Variants in FSTL5 observed in about 807,000 individuals in gnomAD.
FSTL5 encodes the protein follistatin-related protein 5.
Under a neutral mutation model 89.1 loss-of-function variants are expected in FSTL5, and 62 were observed. The observed-to-expected ratio is 0.70, with a 90% CI of 0.57 to 0.86. FSTL5 has a LOEUF of 0.86. FSTL5 is among the 40% of genes least tolerant of loss of function. FSTL5 has a pLI of 0.00. For missense variants in FSTL5, 1,057 were observed against 1,001.6 expected (o/e 1.06, Z -0.75); for synonymous variants, 383 against 346.2 (o/e 1.11, Z -1.18).
chr4:161,709,842 T>C (rs1486164157), intron 6 of FSTL5, among the ~76,000 whole-genome samples: 4 of 152,128 alleles, frequency 2.6e-5, no homozygotes. Context: ...ATTCTATTGA[T>C]TTACTTTTTT....
At chr4:161,438,692 G>C (rs746141898) in intron 15 of FSTL5, among the ~76,000 whole-genome samples, 20 of 151,988 alleles carry the variant, frequency 1.3e-4, no homozygotes, top group Admixed American at 4.6e-4. Context: ...ACTGTACAAG[G>C]ATTCAAAATT....
At chr4:161,470,102 A>T (rs553052169) in intron 13 of FSTL5, among the ~76,000 whole-genome samples, 12 of 151,710 alleles carry the variant, frequency 7.9e-5, no homozygotes, top group Non-Finnish European at 1.8e-4. Context: ...TTTTAAAAAA[A>T]TTATTAAGTC....
At chr4:161,702,618 T>C (rs1257314519) in intron 6 of FSTL5, among the ~76,000 whole-genome samples, 1 of 152,164 alleles carries the variant, frequency 6.6e-6, no homozygotes, top group East Asian at 1.9e-4. Context: ...CACACTTTTC[T>C]CCCAGGTTGC....
At chr4:162,098,355 C>T (rs1388834) in intron 2 of FSTL5, among the ~76,000 whole-genome samples, 117,603 of 151,820 alleles carry the variant, frequency 0.77, 46,221 homozygotes, top group Non-Finnish European at 0.84. Context: ...CTGAGAGAAA[C>T]ATTTGAGGGG....
intron 12 of FSTL5, among the ~76,000 whole-genome samples, chr4:161,489,526 A>C (rs1302329953): frequency 6.6e-6 from 1 of 152,166 alleles, no homozygotes; most frequent in Non-Finnish European, 1.5e-5. Context: ...GATGAAACTA[A>C]TTTAAACCTA....
At chr4:161,797,385 T>C (rs937058375) in intron 4 of FSTL5, among the ~76,000 whole-genome samples, 1 of 151,616 alleles carries the variant, frequency 6.6e-6, no homozygotes, top group African/African-American at 2.4e-5. Context: ...TTACAGTAAA[T>C]TAGGAACTGT....
chr4:162,120,925 C>T (rs893917531), intron 1 of FSTL5, among the ~76,000 whole-genome samples: 54 of 151,944 alleles, frequency 3.6e-4, no homozygotes, highest in African/African-American at 1.2e-3. Flanking sequence ...TCATAGTAAC[C>T]ATCTTTATAG....
rs76896376 is a variant in FSTL5 at position 161,713,470 on chromosome 4, T to C, written c.727+45941A>G. Among the ~76,000 whole-genome samples, 1,485 of 152,270 alleles carry C rather than the reference T, an allele frequency of 9.8e-3. 12 individuals carry two copies. Among genetic ancestry groups the C allele is most frequent in the Middle Eastern group, 0.024 (7 of 294 alleles). ...TGACTTTACTTTGAAAAGCTAATGTTCACCATAACTTTCTAAGACGGTAAT... is the reference window on the plus strand; with the variant it reads ...TGACTTTACTTTGAAAAGCTAATGTCCACCATAACTTTCTAAGACGGTAAT... On this transcript the variant is annotated intron_variant, in intron 6 of 15. Coordinates refer to ENST00000306100, the MANE Select transcript of FSTL5 (RefSeq NM_020116.5).
At chr4:161,953,967 CTACACAACATAATA>C (rs1734963234) in intron 3 of FSTL5, among the ~76,000 whole-genome samples, 1 of 151,504 alleles carries the variant, frequency 6.6e-6, no homozygotes, top group South Asian at 2.1e-4. Context: ...TTTTGATTGA[CTACACAACATAATA>C]TACTGAGATA....
At chr4:161,389,592 T>C (rs369138020) in intron 15 of FSTL5, among the ~76,000 whole-genome samples, 27 of 152,290 alleles carry the variant, frequency 1.8e-4, no homozygotes, top group African/African-American at 6.3e-4. Context: ...CCAAGCTAAC[T>C]TATTTTCATG....
chr4:161,519,482 C>A (rs1200420521), intron 10 of FSTL5, among the ~76,000 whole-genome samples: 1 of 152,194 alleles, frequency 6.6e-6, no homozygotes, highest in African/African-American at 2.4e-5. Context: ...GCCGAGATCG[C>A]TCCACTGCAC....
chr4:161,850,959 G>C (rs915700614), intron 4 of FSTL5, among the ~76,000 whole-genome samples: 1 of 152,062 alleles, frequency 6.6e-6, no homozygotes, highest in African/African-American at 2.4e-5. Flanking sequence ...TAAGGTAATG[G>C]GTTGATCTGT....
At chr4:161,722,822 A>G (rs1449679548) in intron 6 of FSTL5, among the ~76,000 whole-genome samples, 1 of 152,192 alleles carries the variant, frequency 6.6e-6, no homozygotes, top group African/African-American at 2.4e-5. Flanking sequence ...TAGAAGGTTC[A>G]TGGAGGCATG....
intron 7 of FSTL5, among the ~76,000 whole-genome samples, chr4:161,593,549 G>C (rs1430974298): frequency 1.3e-5 from 2 of 151,944 alleles, no homozygotes; most frequent in East Asian, 1.9e-4. Flanking sequence ...AGGAGGAGGA[G>C]GAGTCAAGGA....
chr4:161,482,949 G>A (rs1729566892), intron 12 of FSTL5, among the ~76,000 whole-genome samples: 2 of 152,202 alleles, frequency 1.3e-5, no homozygotes, highest in South Asian at 4.1e-4. Flanking sequence ...CGGAAAGTCT[G>A]AAAATGAAGC....
At chr4:161,819,115 G>A (rs1730417133) in intron 4 of FSTL5, among the ~76,000 whole-genome samples, 1 of 152,040 alleles carries the variant, frequency 6.6e-6, no homozygotes, top group Non-Finnish European at 1.5e-5. Flanking sequence ...TTTGCTTAAT[G>A]TAATAAAATA....
intron 10 of FSTL5, among the ~76,000 whole-genome samples, chr4:161,522,289 A>G (rs959970388): frequency 2.2e-4 from 33 of 152,178 alleles, no homozygotes; most frequent in Admixed American, 4.6e-4. Flanking sequence ...AGTGTAGCCA[A>G]CTGTGGCTGT....
chr4:161,610,204 G>A (rs1734587950), intron 7 of FSTL5, among the ~76,000 whole-genome samples: 1 of 151,904 alleles, frequency 6.6e-6, no homozygotes, highest in Non-Finnish European at 1.5e-5. Context: ...ATTGAAGGTT[G>A]GCTTTACTTC....
chr4:161,620,071 C>G (rs969900064), intron 7 of FSTL5, among the ~76,000 whole-genome samples: 7 of 151,456 alleles, frequency 4.6e-5, no homozygotes, highest in Non-Finnish European at 8.8e-5. Context: ...TCATCATTCT[C>G]AGTAAACTAT....
Sources: gnomAD v4.1 joint callset for allele counts (sites outside exome capture counted in the v4.1 genomes callset) on GRCh38, gnomAD v4.1.1 for gene constraint, MANE v1.5 for transcripts, NCBI Gene and HGNC (gene_info 2026-07-23, HGNC 2026-07-21) for gene names.